PHACTR2: variants seen among roughly 807,000 people sequenced by gnomAD.
The protein encoded by PHACTR2 is phosphatase and actin regulator 2, also known as chromosome 6 open reading frame 56.
PHACTR2 carries 30 observed loss-of-function variants against 76.0 expected under a neutral mutation model. That is an observed-to-expected ratio of 0.39 (90% CI 0.30 to 0.54). The LOEUF (loss-of-function observed/expected upper bound fraction) is 0.54. Ranked by LOEUF, PHACTR2 falls within the 20% of genes least tolerant of loss-of-function variation. The pLI is 0.61. For synonymous variants in PHACTR2, 292 were observed against 292.5 expected, an observed-to-expected ratio of 1.00 and a Z score of 0.02; for missense variants, 696 against 781.1, an observed-to-expected ratio of 0.89 and a Z score of 1.30.
rs1775236160 is a variant in PHACTR2 at position 143,774,812 on chromosome 6, A to G, written c.1589+597A>G. On this transcript the variant is annotated intron_variant, in intron 8 of 12. Coordinates refer to ENST00000440869, the MANE Select transcript of PHACTR2 (RefSeq NM_001100164.2). The surrounding 1 kb of genome is among the most constrained non-coding windows in gnomAD (Gnocchi z 5.4). ...TCTTCCAACTTCAAGTAAATGGATC[A>G]TCTGACATCTCTTCCTGCCTCCAAC... 6.6e-6 allele frequency among the ~76,000 whole-genome samples: 1 copy of G among 152,324 alleles called. No homozygotes were observed. Among genetic ancestry groups the G allele is most frequent in the Non-Finnish European group, 1.5e-5 (1 of 68,032 alleles).
intron 11 of PHACTR2, 68 bp downstream of exon 11, chr6:143,788,978 C>G: frequency 7.0e-7 from 1 of 1,433,232 alleles, no homozygotes; most frequent in Non-Finnish European, 9.7e-7. Flanking sequence ...CCACATCCCC[C>G]CTACTTAAGT....
Position 143,709,294 on chromosome 6 carries a change from GCA to G in PHACTR2, c.47-2719_47-2718del, listed in dbSNP as rs1778116910. 6.6e-6 allele frequency among the ~76,000 whole-genome samples: 1 copy of G among 152,168 alleles called. No homozygotes were observed. Among genetic ancestry groups the G allele is most frequent in the Admixed American group, 6.5e-5 (1 of 15,276 alleles). The stretch of plus-strand genomic sequence containing the variant: ...TGAATCTCCAATTTTCCCTAGCAAT[GCA>G]CAGTGTCTGCCCATCTCTGCCCAGA... On this transcript the variant is annotated intron_variant, in intron 1 of 12. Transcript: ENST00000440869. This position sits in a 1 kb window ranked among gnomAD's most constrained non-coding sequence, Gnocchi z 4.4.
chr6:143,677,491 C>T (rs1257204788), upstream of PHACTR2, among the ~76,000 whole-genome samples: 2 of 152,068 alleles, frequency 1.3e-5, no homozygotes, highest in African/African-American at 4.8e-5. Flanking sequence ...TTTTGTTGAT[C>T]TCACACGTAG....
Position 143,730,833 on chromosome 6 carries a change from C to T in PHACTR2, c.215-18152C>T, listed in dbSNP as rs151114960. Among the ~76,000 whole-genome samples the T allele has an allele frequency of 0.015, 2,235 of 152,152 alleles. 69 individuals are homozygous for T. Among genetic ancestry groups the T allele is most frequent in the African/African-American group, 0.05 (2,095 of 41,506 alleles). ...CGCGATCTCGGCTCACTGTAACCTC[C>T]GCCTCTTGGGTTCAAGCGATTCTCC... is the stretch of plus-strand genomic sequence containing the variant. On this transcript the variant is annotated intron_variant, in intron 2 of 12. Transcript: ENST00000440869. This position sits in a 1 kb window ranked among gnomAD's most constrained non-coding sequence, Gnocchi z 4.8.
rs1307830256 is a variant in PHACTR2, at chr6:143,697,885, C to T, written c.47-14131C>T. On this transcript the variant is annotated intron_variant, in intron 1 of 12. Transcript: ENST00000440869. This position sits in a 1 kb window ranked among gnomAD's most constrained non-coding sequence, Gnocchi z 4.4. Reference sequence around the variant, plus strand: ...ATAAAATCAACTTGCTCCCTGTCCTCATGGGACTCCTAATCTAGTGGTGAG... The same window carrying T: ...ATAAAATCAACTTGCTCCCTGTCCTTATGGGACTCCTAATCTAGTGGTGAG... Among the ~76,000 whole-genome samples, 3 of 152,170 alleles carry T rather than the reference C, an allele frequency of 2.0e-5. No homozygotes were observed.
At chr6:143,626,725 T>TGCTCTTAAGA (rs1366032156) in intron 1 of PHACTR2, among the ~76,000 whole-genome samples, 2 of 152,186 alleles carry the variant, frequency 1.3e-5, no homozygotes, top group African/African-American at 2.4e-5. Context: ...GGGAAAACGT[T>TGCTCTTAAGA]GCTCTTAAGA....
intron 4 of PHACTR2, among the ~76,000 whole-genome samples, chr6:143,756,425 G>A (rs564763093): frequency 1.3e-5 from 2 of 152,172 alleles, no homozygotes; most frequent in African/African-American, 2.4e-5. Context: ...GCCGGGCGCC[G>A]TGGCTCACGC....
Position 143,764,100 on chromosome 6 carries a change from T to C in PHACTR2, c.695-1161T>C, listed in dbSNP as rs1156723613. On this transcript the variant is annotated intron_variant, in intron 5 of 12. Coordinates refer to ENST00000440869, the MANE Select transcript of PHACTR2 (RefSeq NM_001100164.2). This position sits in a 1 kb window ranked among gnomAD's most constrained non-coding sequence, Gnocchi z 4.7. The stretch of plus-strand genomic sequence containing the variant: ...GGTGCCCTATCCGGAAGTAGGCAAA[T>C]ATACCATAGCTATCCTTCGATGAAG... Among the ~76,000 whole-genome samples, 1 of 152,246 alleles carries C rather than the reference T, an allele frequency of 6.6e-6. No homozygotes were observed. Among genetic ancestry groups the C allele is most frequent in the Non-Finnish European group, 1.5e-5 (1 of 68,040 alleles).
rs1291839314 is a variant in PHACTR2 at position 143,619,311 on chromosome 6, T to C, written c.13+10989T>C. On this transcript the variant is annotated intron_variant, in intron 1 of 11. Coordinates refer to the PHACTR2 transcript ENST00000305766. This position sits in a 1 kb window ranked among gnomAD's most constrained non-coding sequence, Gnocchi z 4.5. Reference sequence around the variant, plus strand: ...GGAAGAAAGGGGTACTTTTAAGAAATGCTTCACAGATGATTCCTCTACGCC... The same window carrying C: ...GGAAGAAAGGGGTACTTTTAAGAAACGCTTCACAGATGATTCCTCTACGCC... 1.3e-5 allele frequency among the ~76,000 whole-genome samples: 2 copies of C among 152,232 alleles called. No individual in the cohort carries two copies. The highest frequency in any genetic ancestry group is 4.8e-5 in the African/African-American group (2 of 41,472).
rs1360762459 is a variant in PHACTR2, at chr6:143,677,991, G to T, written c.-173G>T. The T allele has an allele frequency of 4.3e-6, 6 of 1,390,434 alleles. No individual in the cohort carries two copies. The East Asian group carries it at 1.3e-4, about 31-fold the overall frequency. 86.1% of individuals were successfully genotyped at this position (1,390,434 alleles called of 1,614,324 possible). A position where few individuals can be genotyped will look rare whatever the true frequency, so the allele number is the denominator to read the frequency against. Reference sequence around the variant, plus strand: ...TCCGCTGGGCAGGATCCGCCGCGCCGGCTGCGGCCGGCCGGGCTGGGAGAC... The same window carrying T: ...TCCGCTGGGCAGGATCCGCCGCGCCTGCTGCGGCCGGCCGGGCTGGGAGAC... On this transcript the variant is annotated 5_prime_UTR_variant, in exon 1 of 13. Coordinates refer to ENST00000440869, the MANE Select transcript of PHACTR2 (RefSeq NM_001100164.2).
At chr6:143,644,042 A>G (rs1258215603) in intron 1 of PHACTR2, among the ~76,000 whole-genome samples, 1 of 152,264 alleles carries the variant, frequency 6.6e-6, no homozygotes, top group Non-Finnish European at 1.5e-5. Flanking sequence ...ACTCAACAGA[A>G]CTCTAAATAA....
Position 143,553,660 on chromosome 6 carries a change from C to G in PHACTR2, c.217+16453C>G, listed in dbSNP as rs189731492. ...TTAGAAACTGTATTCATGTTTTATT[C>G]GAGTCTCTATAGGCTGAGGTTGAGG... On this transcript the variant is annotated intron_variant, in intron 1 of 11. Coordinates refer to the PHACTR2 transcript ENST00000367584. This position sits in a 1 kb window ranked among gnomAD's most constrained non-coding sequence, Gnocchi z 4.2. Among the ~76,000 whole-genome samples the G allele has an allele frequency of 2.0e-5, 3 of 152,202 alleles. No individual in the cohort carries two copies. Among genetic ancestry groups the G allele is most frequent in the Admixed American group, 2.0e-4 (3 of 15,264 alleles).
rs1458804195 is a variant in PHACTR2, at chr6:143,619,461, GA to G, written c.13+11141del. Among the ~76,000 whole-genome samples the G allele has an allele frequency of 3.9e-4, 59 of 152,296 alleles. 1 individual carries two copies. The highest frequency in any genetic ancestry group is 3.7e-3 in the Admixed American group (57 of 15,294). ...CCAGTGTGAAAGCACATTATTATTA[GA>G]ATGCTAAAGATCTTGTGCCTTGCAC... is the stretch of plus-strand genomic sequence containing the variant. On this transcript the variant is annotated intron_variant, in intron 1 of 11. Coordinates refer to the PHACTR2 transcript ENST00000305766. The surrounding 1 kb of genome is among the most constrained non-coding windows in gnomAD (Gnocchi z 4.5).
chr6:143,539,149 C>T lies in PHACTR2; in HGVS notation c.217+1942C>T, dbSNP rs758460461. Among the ~76,000 whole-genome samples the T allele has an allele frequency of 1.3e-5, 2 of 152,162 alleles. No homozygotes were observed. Among genetic ancestry groups the T allele is most frequent in the Non-Finnish European group, 2.9e-5 (2 of 68,028 alleles). The stretch of plus-strand genomic sequence containing the variant: ...CAAAGACATTTAAAATGTGAGTGTG[C>T]AAAGTGTACATCATGTGAACCATGG... On this transcript the variant is annotated intron_variant, in intron 1 of 11. Coordinates refer to the PHACTR2 transcript ENST00000367584. The surrounding 1 kb of genome is among the most constrained non-coding windows in gnomAD (Gnocchi z 4.3).
intron 1 of PHACTR2, among the ~76,000 whole-genome samples, chr6:143,681,399 T>C (rs1777385410): frequency 6.6e-6 from 1 of 152,154 alleles, no homozygotes; most frequent in African/African-American, 2.4e-5. Flanking sequence ...TATATCTTCT[T>C]TGGAAAAAAT....
chr6:143,670,651 T>C (rs1386137399), intron 1 of PHACTR2, among the ~76,000 whole-genome samples: 5 of 152,190 alleles, frequency 3.3e-5, no homozygotes, highest in Non-Finnish European at 7.3e-5. Flanking sequence ...TTGATACTTG[T>C]GTATCTTCAT....
At chr6:143,545,818 A>C (rs1774987010) in intron 1 of PHACTR2, among the ~76,000 whole-genome samples, 1 of 152,188 alleles carries the variant, frequency 6.6e-6, no homozygotes, top group Non-Finnish European at 1.5e-5. Flanking sequence ...AATAAATATC[A>C]CTTTCTATCA....
At chr6:143,746,777 A>G (rs1404274935) in intron 2 of PHACTR2, among the ~76,000 whole-genome samples, 1 of 152,184 alleles carries the variant, frequency 6.6e-6, no homozygotes, top group Non-Finnish European at 1.5e-5. Flanking sequence ...AAGAGGCCGA[A>G]CAAATTGAAA....
rs554706758 is a variant in PHACTR2, at chr6:143,664,401, T to A, written c.14-47615T>A. ...AGAAAGCTTATTCCTTTCATATTTATTGAGATTACTAATTTGGACTTACAT... is the reference window on the plus strand; with the variant it reads ...AGAAAGCTTATTCCTTTCATATTTAATGAGATTACTAATTTGGACTTACAT... On this transcript the variant is annotated intron_variant, in intron 1 of 11. Coordinates refer to the PHACTR2 transcript ENST00000305766. This position sits in a 1 kb window ranked among gnomAD's most constrained non-coding sequence, Gnocchi z 5.1. Among the ~76,000 whole-genome samples the A allele has an allele frequency of 7.2e-5, 11 of 152,302 alleles. No homozygotes were observed. Among genetic ancestry groups the A allele is most frequent in the East Asian group, 5.8e-4 (3 of 5,190 alleles).
Sources: allele counts gnomAD v4.1 joint callset (sites outside exome capture counted in the v4.1 genomes callset), GRCh38; gene constraint gnomAD v4.1.1; non-coding constraint Gnocchi (gnomAD v3.1); transcripts MANE v1.5; gene names NCBI Gene and HGNC (gene_info 2026-07-23, HGNC 2026-07-21).